Variants in OTOG observed in about 807,000 individuals in gnomAD.
OTOG encodes otogelin.
A neutral mutation model predicts 313.8 loss-of-function variants in OTOG; 296 were observed. That is an observed-to-expected ratio of 0.94 (90% confidence interval 0.86 to 1.04). The LOEUF is 1.04. Among genes scored for constraint, OTOG ranks in the 50% least tolerant of loss-of-function variants. The pLI is 0.00. For missense variants in OTOG, 3,948 were observed against 3,840.1 expected (o/e 1.03, Z -0.74); for synonymous variants, 1,533 against 1,554.9 (o/e 0.99, Z 0.33).
At chr11:17,620,000 G>C (rs565826195) in intron 39 of OTOG, among the ~76,000 whole-genome samples, 2 of 152,256 alleles carry the variant, frequency 1.3e-5, no homozygotes, top group East Asian at 1.9e-4. Context: ...ATTTTTAAGA[G>C]ATACTTTCAC....
Position 17,606,053 on chromosome 11 carries a change from C to T in OTOG, c.4074C>T (p.Leu1358=), listed in dbSNP as rs532083120. The part of the protein sequence containing the change: ...LESLAKPSSF[L]YVSGAVLALR... ...CCCTGGCCAAGCCCAGCTCCTTCCT[C>T]TATGTGTCGGGCGCGGTGCTGGCCC... The change falls in exon 33 of 56, where the codon CTC becomes CTT. Residue 1358 remains leucine, a synonymous_variant. Transcript: ENST00000399397. 4.1e-5 allele frequency: 63 copies of T among 1,550,530 alleles called. No homozygotes were observed. In the South Asian group the frequency reaches 6.8e-4, roughly 17 times the overall value.
rs1473299870 is a variant in OTOG at position 17,574,911 on chromosome 11, C to T, written c.2485C>T (p.Arg829Trp). 5.0e-5 allele frequency: 75 copies of T among 1,500,374 alleles called. No homozygotes were observed. Among genetic ancestry groups the T allele is most frequent in the Middle Eastern group, 3.5e-4 (2 of 5,774 alleles). 92.9% of individuals were successfully genotyped at this position (1,500,374 alleles called of 1,614,324 possible). A position where few individuals can be genotyped will look rare whatever the true frequency, so the allele number is the denominator to read the frequency against. The change falls in exon 20 of 56, where the codon CGG becomes TGG. Residue 829 changes from arginine to tryptophan, a missense_variant and splice_region_variant. Transcript: ENST00000399397. ...LDTQADLCVP[R>W]NQCSCHFQGV... ...CACCCAGGCTGACCTCTGTGTCCCC[C>T]GGTGAGTGGGTCAGCTTGATCTCTG...
At chr11:17,633,504 T>C (rs905295903) in intron 42 of OTOG, among the ~76,000 whole-genome samples, 176 bp from the exon 43 acceptor site, 2 of 152,244 alleles carry the variant, frequency 1.3e-5, no homozygotes, top group African/African-American at 4.8e-5. Flanking sequence ...TGTACTTTGC[T>C]GAGTCCTGAT....
chr11:17,607,509 T>C (rs1853418406), intron 33 of OTOG, among the ~76,000 whole-genome samples: 1 of 152,250 alleles, frequency 6.6e-6, no homozygotes, highest in African/African-American at 2.4e-5. Context: ...TGCCTGGGTT[T>C]CCTCTTCTCT....
At position 17,629,157 on chromosome 11, in the gene OTOG, T is replaced by C; in HGVS notation, c.6553T>C (p.Trp2185Arg). 6.4e-7 allele frequency: 1 copy of C among 1,550,474 alleles called. No homozygotes were observed. Among genetic ancestry groups the C allele is most frequent in the Non-Finnish European group, 8.7e-7 (1 of 1,146,950 alleles). The change falls in exon 40 of 56, where the codon TGG (tryptophan) becomes CGG (arginine). Residue 2185 changes from tryptophan to arginine, a missense_variant. Transcript: ENST00000399397. The part of the protein sequence containing the change: ...RKVTVDLQPV[W>R]PPVSRYGFRI... Reference sequence around the variant, plus strand: ...GGTGACTGTGGACTTGCAGCCTGTGTGGCCACCGGTGAGCAGGTATGGATT... The same window carrying C: ...GGTGACTGTGGACTTGCAGCCTGTGCGGCCACCGGTGAGCAGGTATGGATT...
In OTOG at chr11:17,599,758, C is replaced by T. The variant is rs547202957; in HGVS notation, c.3709+61C>T. 61 of 1,517,396 alleles carry T rather than the reference C, an allele frequency of 4.0e-5. No individual in the cohort carries two copies. In the African/African-American group the frequency reaches 5.2e-4, roughly 13 times the overall value. 94.0% of individuals were successfully genotyped at this position (1,517,396 alleles called of 1,614,324 possible). On this transcript the variant is annotated intron_variant, in intron 31 of 55. Coordinates refer to ENST00000399397, the MANE Select transcript of OTOG (RefSeq NM_001292063.2). ...TCAGGCACTGCCAGCCCTGTCCTGA[C>T]GCCACACAGCATCAGCCATCCCGAG... is the stretch of plus-strand genomic sequence containing the variant.
chr11:17,613,195 T>TTTCTTTTCTTTCTTTCTTTCTTTCTTTC (rs1401646180), intron 38 of OTOG, among the ~76,000 whole-genome samples: 7 of 65,354 alleles, frequency 1.1e-4, no homozygotes, highest in East Asian at 4.9e-4. Context: ...TCTTTCTTTC[T>TTTCTTTTCTTTCTTTCTTTCTTTCTTTC]TTTCTTTCTT....
In OTOG at chr11:17,631,764, G is replaced by A. The variant is rs116503251; in HGVS notation, c.6775G>A (p.Ala2259Thr). The part of the protein sequence containing the change: ...TLKDGSVVGG[A>T]EDPAPFLDSW... ...GAAGGATGGCTCAGTGGTGGGTGGG[G>A]CTGAGGACCCTGCTCCCTTTCTGGA... Residue 2259 changes from alanine (A) to threonine (T), a missense_variant, in exon 41 of 56, where the codon GCT becomes ACT. Ala to Thr is a moderately conservative substitution (Grantham distance 58). Transcript: ENST00000399397. 1.5e-3 allele frequency: 2,293 copies of A among 1,550,604 alleles called. 32 individuals are homozygous for A. In the African/African-American group the frequency reaches 0.028, roughly 19 times the overall value.
Position 17,605,843 on chromosome 11 carries a change from G to A in OTOG, c.3878-14G>A. The stretch of plus-strand genomic sequence containing the variant: ...CTCTGCCTGTACTGACTCTCCCCAT[G>A]TGGTTCTCTGCAGACCCAGATGTGG... On this transcript the variant is annotated splice_polypyrimidine_tract_variant and intron_variant, in intron 32 of 55. Coordinates refer to ENST00000399397, the MANE Select transcript of OTOG (RefSeq NM_001292063.2). The A allele has an allele frequency of 6.5e-7, 1 of 1,526,886 alleles. No individual in the cohort carries two copies. The highest frequency in any genetic ancestry group is 8.8e-7 in the Non-Finnish European group (1 of 1,132,204). 94.6% of individuals were successfully genotyped at this position (1,526,886 alleles called of 1,614,324 possible).
chr11:17,612,356 C>T (rs1372706385), intron 37 of OTOG, 26 bp downstream of exon 37: 64 of 1,505,224 alleles, frequency 4.3e-5, no homozygotes, highest in Non-Finnish European at 5.3e-5. Context: ...AGCGGAGCCT[C>T]CTGCATCCTC....
At chr11:17,593,810 G>A (rs1206116187) in intron 27 of OTOG, 54 bp downstream of exon 27, 1 of 1,530,824 alleles carries the variant, frequency 6.5e-7, no homozygotes, top group Non-Finnish European at 8.8e-7. Context: ...GCCAAGCCCT[G>A]GGTGTCCTTG....
chr11:17,638,818 C>T (rs1033745259), intron 48 of OTOG: 2 of 1,435,610 alleles, frequency 1.4e-6, no homozygotes, highest in Non-Finnish European at 9.3e-7. Flanking sequence ...CTTACTGCGG[C>T]CGGGCACGGT....
intron 30 of OTOG, among the ~76,000 whole-genome samples, chr11:17,597,472 G>C (rs1853140763): frequency 6.6e-6 from 1 of 152,190 alleles, no homozygotes; most frequent in Non-Finnish European, 1.5e-5. Flanking sequence ...GATGAATATA[G>C]AAGTCCTTTG....
Position 17,645,955 on chromosome 11 carries a change from C to T in OTOG, c.*11C>T, listed in dbSNP as rs1382549801. The T allele has an allele frequency of 1.9e-6, 3 of 1,546,954 alleles. No homozygotes were observed. Among genetic ancestry groups the T allele is most frequent in the Non-Finnish European group, 2.6e-6 (3 of 1,146,818 alleles). The stretch of plus-strand genomic sequence containing the variant: ...TGCCAGTGGTCCTGAGGCCTGGGGG[C>T]CCGGGCTAGCTGGACCACCTCTGCC... On this transcript the variant is annotated 3_prime_UTR_variant, in exon 56 of 56. Transcript: ENST00000399397.
chr11:17,596,109 G>T lies in OTOG; in HGVS notation c.3480G>T (p.Glu1160Asp), dbSNP rs1387942633. 6.4e-7 allele frequency: 1 copy of T among 1,550,640 alleles called. No individual in the cohort carries two copies. The highest frequency in any genetic ancestry group is 2.0e-5 in the Admixed American group (1 of 50,984). The change falls in exon 29 of 56, where the codon GAG becomes GAT. Residue 1160 changes from glutamate to aspartate, a missense_variant. Glu to Asp is a conservative substitution (Grantham distance 45). Coordinates refer to ENST00000399397, the MANE Select transcript of OTOG (RefSeq NM_001292063.2). ...TCCGAGAACCATTTGCCAAGAAGGAGTGCAGCATCCTGCTCAGTGAGGTGT... is the reference window on the plus strand; with the variant it reads ...TCCGAGAACCATTTGCCAAGAAGGATTGCAGCATCCTGCTCAGTGAGGTGT... ...NPLREPFAKK[E>D]CSILLSEVFE...
rs1482702923 is a variant in OTOG, at chr11:17,641,913, C to T, written c.8257C>T (p.Leu2753Phe). The change falls in exon 52 of 56, where the codon CTC (leucine) becomes TTC (phenylalanine). Residue 2753 changes from leucine (L) to phenylalanine (F), a missense_variant. Coordinates refer to ENST00000399397, the MANE Select transcript of OTOG (RefSeq NM_001292063.2). Reference sequence around the variant, plus strand: ...CGGCTCCTGCAGGAACGTGTCCTGTCTCTTCACCTTCCCCAATGGCACCAC... The same window carrying T: ...CGGCTCCTGCAGGAACGTGTCCTGTTTCTTCACCTTCCCCAATGGCACCAC... ...CCGSCRNVSC[L>F]FTFPNGTTSL... 6.5e-7 allele frequency: 1 copy of T among 1,550,336 alleles called. No individual in the cohort carries two copies.
intron 47 of OTOG, among the ~76,000 whole-genome samples, chr11:17,637,719 T>G (rs1014290947): frequency 1.3e-5 from 2 of 152,158 alleles, no homozygotes; most frequent in Non-Finnish European, 2.9e-5. Flanking sequence ...CTTACATTTT[T>G]CCTCTTCCAA....
intron 39 of OTOG, among the ~76,000 whole-genome samples, chr11:17,619,296 T>G (rs1853805692): frequency 6.6e-6 from 1 of 152,038 alleles, no homozygotes. Flanking sequence ...CAAATAAAAG[T>G]GGGACTTTTG....
At position 17,629,133 on chromosome 11, in the gene OTOG, G is replaced by T. The variant is rs748204231; in HGVS notation, c.6529G>T (p.Val2177Leu). The change falls in exon 40 of 56, where the codon GTG becomes TTG. Residue 2177 changes from valine to leucine, a missense_variant and splice_region_variant. By Grantham distance (32) the Val-to-Leu change is conservative. Transcript: ENST00000399397. ...QVTIDRFNRK[V>L]TVDLQPVWPP... ...TGCTCACACTGAATTCCCTCCCAAG[G>T]TGACTGTGGACTTGCAGCCTGTGTG... 4 of 1,550,160 alleles carry T rather than the reference G, an allele frequency of 2.6e-6. No individual in the cohort carries two copies. Among genetic ancestry groups the T allele is most frequent in the Non-Finnish European group, 3.5e-6 (4 of 1,146,772 alleles).
Sources: gnomAD v4.1 joint callset for allele counts (sites outside exome capture counted in the v4.1 genomes callset) on GRCh38, gnomAD v4.1.1 for gene constraint, MANE v1.5 for transcripts, NCBI Gene and HGNC (gene_info 2026-07-23, HGNC 2026-07-21) for gene names.